CDH13: variants seen among roughly 807,000 people sequenced by gnomAD.
The protein encoded by CDH13 is cadherin 13, also known as cadherin-13.
Under a neutral mutation model 63.8 loss-of-function variants are expected in CDH13, and 24 were observed. That is an observed-to-expected ratio of 0.38 (90% CI 0.27 to 0.53). The LOEUF is 0.53. Ranked by LOEUF, CDH13 falls within the 20% of genes least tolerant of loss-of-function variation. The pLI is 0.85. For synonymous variants in CDH13, 503 were observed against 355.3 expected, an observed-to-expected ratio of 1.42 and a Z score of -4.67; for missense variants, 1,049 against 903.1, an observed-to-expected ratio of 1.16 and a Z score of -2.07.
At chr16:82,768,652 G>C (rs2035150592) in intron 1 of CDH13, among the ~76,000 whole-genome samples, 1 of 152,202 alleles carries the variant, frequency 6.6e-6, no homozygotes, top group South Asian at 2.1e-4. Context: ...CAGGTTAGGA[G>C]AGCTGGGCTT....
intron 6 of CDH13, among the ~76,000 whole-genome samples, chr16:83,399,429 G>C (rs781365626): frequency 6.6e-6 from 1 of 152,154 alleles, no homozygotes; most frequent in Non-Finnish European, 1.5e-5. Context: ...AAGTGTATTT[G>C]CTTACTGCAG....
chr16:83,698,294 C>A (rs1474218800), intron 10 of CDH13, among the ~76,000 whole-genome samples: 2 of 152,198 alleles, frequency 1.3e-5, no homozygotes, highest in African/African-American at 4.8e-5. Flanking sequence ...CAAATGAATG[C>A]TAATTAAATA....
At chr16:83,052,116 A>G (rs966318082) in intron 3 of CDH13, among the ~76,000 whole-genome samples, 2 of 152,220 alleles carry the variant, frequency 1.3e-5, no homozygotes, top group Non-Finnish European at 2.9e-5. Context: ...TACTTCATGA[A>G]TGATCCGTAT....
chr16:83,551,783 C>A (rs2075504321), intron 7 of CDH13, among the ~76,000 whole-genome samples: 1 of 152,170 alleles, frequency 6.6e-6, no homozygotes, highest in Admixed American at 6.5e-5. Flanking sequence ...TTTGTCTACC[C>A]ATCTCACCTG....
chr16:82,979,587 A>G (rs1247658950), intron 2 of CDH13, among the ~76,000 whole-genome samples: 2 of 152,100 alleles, frequency 1.3e-5, no homozygotes, highest in Non-Finnish European at 2.9e-5. Flanking sequence ...TGCCATGTGA[A>G]AAAGGATGTG....
chr16:83,775,538 C>G (rs181288113), intron 11 of CDH13, among the ~76,000 whole-genome samples: 1 of 152,062 alleles, frequency 6.6e-6, no homozygotes, highest in Non-Finnish European at 1.5e-5. Flanking sequence ...CCCCTGGGCT[C>G]CCTCCAGAAG....
intron 2 of CDH13, chr16:82,953,171 A>G (rs968547824): frequency 1.3e-5 from 2 of 152,108 alleles, no homozygotes; most frequent in African/African-American, 2.4e-5. Flanking sequence ...GTGTAATCCA[A>G]CCTCTCTTAG....
At chr16:82,805,981 C>T (rs926923421) in intron 1 of CDH13, among the ~76,000 whole-genome samples, 4 of 151,968 alleles carry the variant, frequency 2.6e-5, no homozygotes, top group African/African-American at 9.7e-5. Flanking sequence ...CTCCATAATC[C>T]CCTAGGTTTC....
In CDH13 at chr16:83,171,152, G is replaced by A. The variant is rs1020973341; in HGVS notation, c.483+45651G>A. ...GCTTCTGCCTCTGGGGAGGCCTTAG[G>A]AAACTTATAGTCATGGTGGAAGGCA... On this transcript the variant is annotated intron_variant, in intron 4 of 13. Transcript: ENST00000567109. Among the ~76,000 whole-genome samples the A allele has an allele frequency of 3.3e-5, 5 of 152,102 alleles. No homozygotes were observed. In the East Asian group the frequency reaches 9.6e-4, roughly 29 times the overall value.
chr16:83,356,269 TGAGAAA>T (rs1004719753), intron 6 of CDH13, among the ~76,000 whole-genome samples: 4 of 138,298 alleles, frequency 2.9e-5, no homozygotes, highest in Admixed American at 7.4e-5. Context: ...TGTGTGTAGA[TGAGAAA>T]GAGAAAGAGA....
chr16:83,069,193 A>C (rs1030326255), intron 3 of CDH13, among the ~76,000 whole-genome samples: 2 of 152,140 alleles, frequency 1.3e-5, no homozygotes, highest in Non-Finnish European at 2.9e-5. Context: ...TTTTCCAATA[A>C]AGGAGTAATC....
chr16:83,493,937 A>G (rs2074077152), intron 7 of CDH13, among the ~76,000 whole-genome samples: 1 of 152,216 alleles, frequency 6.6e-6, no homozygotes, highest in Non-Finnish European at 1.5e-5. Context: ...AGGAGCTACC[A>G]CTTGAATCTA....
intron 3 of CDH13, among the ~76,000 whole-genome samples, chr16:83,037,148 T>C (rs1426727037): frequency 1.3e-5 from 2 of 152,184 alleles, no homozygotes; most frequent in Non-Finnish European, 2.9e-5. Flanking sequence ...AAATAATAGC[T>C]ACTACTATTT....
At chr16:82,736,151 G>A (rs888338859) in intron 1 of CDH13, among the ~76,000 whole-genome samples, 1 of 152,148 alleles carries the variant, frequency 6.6e-6, no homozygotes, top group Non-Finnish European at 1.5e-5. Flanking sequence ...CCTTTGCTTA[G>A]GGACTGGTCA....
intron 5 of CDH13, among the ~76,000 whole-genome samples, chr16:83,243,764 G>T (rs569338865): frequency 3.3e-5 from 5 of 152,262 alleles, no homozygotes; most frequent in Non-Finnish European, 7.4e-5. Flanking sequence ...GAGCAAACTG[G>T]AATATGAGGT....
chr16:83,011,385 C>T (rs937145926), intron 2 of CDH13, among the ~76,000 whole-genome samples: 6 of 152,148 alleles, frequency 3.9e-5, no homozygotes, highest in Non-Finnish European at 8.8e-5. Context: ...ACCTCATGAG[C>T]ACATTCAATC....
At chr16:82,746,867 T>A (rs1351367845) in intron 1 of CDH13, among the ~76,000 whole-genome samples, 1 of 152,192 alleles carries the variant, frequency 6.6e-6, no homozygotes, top group Non-Finnish European at 1.5e-5. Flanking sequence ...ACTTATAATG[T>A]AACTCCCTGG....
intron 2 of CDH13, among the ~76,000 whole-genome samples, chr16:83,028,080 T>G (rs55700445): frequency 0.31 from 46,982 of 152,010 alleles, 7,723 homozygotes; most frequent in African/African-American, 0.42. Context: ...CTCTACCCCA[T>G]TCACTCCCCA....
At chr16:83,604,303 A>C (rs1381525575) in intron 8 of CDH13, among the ~76,000 whole-genome samples, 1 of 152,182 alleles carries the variant, frequency 6.6e-6, no homozygotes, top group African/African-American at 2.4e-5. Flanking sequence ...TCTAGCTGCT[A>C]ATACAGACTG....
Sources: gnomAD v4.1 joint callset for allele counts (sites outside exome capture counted in the v4.1 genomes callset) on GRCh38, gnomAD v4.1.1 for gene constraint, MANE v1.5 for transcripts, NCBI Gene and HGNC (gene_info 2026-07-23, HGNC 2026-07-21) for gene names.